The following CP variants were observed in gnomAD, a reference collection of about 807,000 sequenced individuals.
The protein encoded by CP is caeruloplasmin.
CP carries 64 observed loss-of-function variants against 122.4 expected under a neutral mutation model. The observed-to-expected ratio is 0.52, with a 90% CI of 0.43 to 0.64. CP has a LOEUF of 0.64. Among genes scored for constraint, CP ranks in the 30% least tolerant of loss-of-function variants. The pLI, the probability that CP is intolerant of heterozygous loss-of-function variation, is 0.00. For synonymous variants in CP, 440 were observed against 436.4 expected, an observed-to-expected ratio of 1.01 and a Z score of -0.10; for missense variants, 1,167 against 1,284.4, an observed-to-expected ratio of 0.91 and a Z score of 1.40.
intron 13 of CP, among the ~76,000 whole-genome samples, chr3:149,182,602 T>C (rs1725858576): frequency 6.6e-6 from 1 of 152,018 alleles, no homozygotes; most frequent in African/African-American, 2.4e-5. Context: ...GTCCCTGCAA[T>C]TGATAGTTTT....
chr3:149,169,094 C>G (rs1413514971), downstream of CP, among the ~76,000 whole-genome samples: 1 of 151,640 alleles, frequency 6.6e-6, no homozygotes, highest in Non-Finnish European at 1.5e-5. Flanking sequence ...TGTGATTTAC[C>G]TTTATTAGAC....
chr3:149,212,770 T>C, intron 1 of CP, 72 bp from the exon 2 acceptor site: 1 of 1,515,542 alleles, frequency 6.6e-7, no homozygotes, highest in African/African-American at 1.4e-5. Context: ...TATAATTTAA[T>C]AACATTATAA....
At chr3:149,184,025 C>CTTATT (rs1559939313) in intron 12 of CP, among the ~76,000 whole-genome samples, 1 of 66,306 alleles carries the variant, frequency 1.5e-5, no homozygotes, top group Non-Finnish European at 3.4e-5. Flanking sequence ...TTTTCACTTA[C>CTTATT]TTCTTTTTTT....
downstream of CP, among the ~76,000 whole-genome samples, chr3:149,169,627 T>C (rs1319951756): frequency 3.3e-5 from 5 of 152,192 alleles, no homozygotes; most frequent in African/African-American, 1.2e-4. Context: ...GCCTCAGTTA[T>C]AACAAACAAA....
At chr3:149,181,982 C>CCA in intron 14 of CP, 23 bp downstream of exon 14, 2 of 532,614 alleles carry the variant, frequency 3.8e-6, no homozygotes, top group Non-Finnish European at 7.2e-6. Flanking sequence ...ATGCACCACC[C>CCA]CCACCCCCGC....
In CP at chr3:149,188,190, T is replaced by C. The variant is rs938967361; in HGVS notation, c.1726A>G (p.Lys576Glu). Residue 576 changes from lysine (K) to glutamate (E), a missense_variant, in exon 10 of 19, where the codon AAG becomes GAG. By Grantham distance (56) the Lys-to-Glu change is moderately conservative. Transcript: ENST00000264613. The part of the protein sequence containing the change: ...HANGRQKDVD[K>E]EFYLFPTVFD... Reference sequence around the variant, plus strand: ...ACTGTAGGAAACAAATAGAATTCCTTGTCTACATCTTTCTGTAAATCAAAA... The same window carrying C: ...ACTGTAGGAAACAAATAGAATTCCTCGTCTACATCTTTCTGTAAATCAAAA... 7 of 1,611,488 alleles carry C rather than the reference T, an allele frequency of 4.3e-6. No homozygotes were observed. In the Admixed American group the frequency reaches 5.0e-5, roughly 12 times the overall value.
At chr3:149,171,145 G>T (rs1724944795), downstream of CP, among the ~76,000 whole-genome samples, 1 of 152,102 alleles carries the variant, frequency 6.6e-6, no homozygotes, top group South Asian at 2.1e-4. Context: ...GGACGTGGTG[G>T]TGCGCACCTG....
chr3:149,217,426 T>G (rs1230008617), intron 1 of CP, among the ~76,000 whole-genome samples: 1 of 152,174 alleles, frequency 6.6e-6, no homozygotes, highest in East Asian at 1.9e-4. Context: ...TAGTAAACAG[T>G]AAAATGAAAC....
chr3:149,199,724 G>T lies in CP; in HGVS notation c.1489C>A (p.Pro497Thr). The change falls in exon 8 of 19, where the codon CCC becomes ACC. Residue 497 changes from proline to threonine, a missense_variant. Physicochemically the swap from Pro to Thr is conservative, Grantham distance 38 (BLOSUM62 -1). This residue lies in a region of CP where 642 missense variants were observed against 627.3 expected (regional missense o/e 1.02). Coordinates refer to ENST00000264613, the MANE Select transcript of CP (RefSeq NM_000096.4). ...GCTGTATACTCACTTCTGCTCTGGGGGTTGTAATTTGGGGAATAGTATGTG... is the reference window on the plus strand; with the variant it reads ...GCTGTATACTCACTTCTGCTCTGGGTGTTGTAATTTGGGGAATAGTATGTG... ...EGTYYSPNYN[P>T]QSRSVPPSAS... 1 of 1,614,052 alleles carries T rather than the reference G, an allele frequency of 6.2e-7. No homozygotes were observed. Among genetic ancestry groups the T allele is most frequent in the South Asian group, 1.1e-5 (1 of 91,074 alleles).
intron 12 of CP, 132 bp downstream of exon 12, chr3:149,185,107 G>T: frequency 1.3e-6 from 1 of 754,194 alleles, no homozygotes; most frequent in Non-Finnish European, 2.2e-6. Flanking sequence ...GTGTTTTGTT[G>T]TTGTTGTTGT....
chr3:149,192,724 TTAA>T (rs1244656687), intron 9 of CP, among the ~76,000 whole-genome samples: 2 of 151,744 alleles, frequency 1.3e-5, no homozygotes, highest in Admixed American at 6.5e-5. Flanking sequence ...ATTTTATGGA[TTAA>T]TAATTGAAAA....
chr3:149,189,773 G>A (rs542644957), intron 9 of CP, among the ~76,000 whole-genome samples: 1 of 152,244 alleles, frequency 6.6e-6, no homozygotes, highest in East Asian at 1.9e-4. Flanking sequence ...CTGATCGACA[G>A]AGAAAACGTC....
intron 7 of CP, among the ~76,000 whole-genome samples, chr3:149,201,372 C>T (rs1727302240): frequency 6.6e-6 from 1 of 152,088 alleles, no homozygotes; most frequent in Non-Finnish European, 1.5e-5. Flanking sequence ...CCGCCCGCCT[C>T]GGCCTCCCAA....
At chr3:149,174,182 A>G (rs1725249046) in intron 18 of CP, among the ~76,000 whole-genome samples, 2 of 152,202 alleles carry the variant, frequency 1.3e-5, no homozygotes, top group African/African-American at 4.8e-5. Flanking sequence ...AGTGCCCTTT[A>G]TTAAGGAATT....
At chr3:149,216,443 C>T (rs6768350) in intron 1 of CP, among the ~76,000 whole-genome samples, 13,453 of 152,158 alleles carry the variant, frequency 0.088, 1,751 homozygotes, top group African/African-American at 0.29. Flanking sequence ...CTAGGTGGCC[C>T]CTTTCATCTT....
chr3:149,169,463 A>G (rs1029379107), downstream of CP, among the ~76,000 whole-genome samples: 2 of 152,236 alleles, frequency 1.3e-5, no homozygotes, highest in Admixed American at 6.5e-5. Flanking sequence ...GATGAAGCTC[A>G]GGGACTTACA....
intron 9 of CP, among the ~76,000 whole-genome samples, chr3:149,196,713 C>T (rs145071469): frequency 3.3e-5 from 5 of 151,692 alleles, no homozygotes; most frequent in East Asian, 3.9e-4. Context: ...CTTAAATCCA[C>T]GAGTGCACAA....
rs1476066527 is a variant in CP, at chr3:149,167,242, T to A, written c.587-1192A>T. The A allele has an allele frequency of 8.7e-6, 14 of 1,608,948 alleles. No individual in the cohort carries two copies. The highest frequency in any genetic ancestry group is 1.2e-5 in the Non-Finnish European group (14 of 1,176,748). ...CATGAACTGAAAGAAGAGAACCGGG[T>A]ATGCTTTTTCAGATTATGTTTTTAG... On this transcript the variant is annotated intron_variant, in intron 4 of 5. Coordinates refer to the CP transcript ENST00000479771.
chr3:149,185,938 C>T (rs1726140399), intron 11 of CP: 1 of 174,724 alleles, frequency 5.7e-6, no homozygotes, highest in East Asian at 1.6e-4. Context: ...GAAAGCGTGA[C>T]ACTGGGGTGG....
Sources: allele counts gnomAD v4.1 joint callset (sites outside exome capture counted in the v4.1 genomes callset), GRCh38; gene constraint gnomAD v4.1.1; regional missense constraint gnomAD v4.1.1; transcripts MANE v1.5; gene names NCBI Gene and HGNC (gene_info 2026-07-23, HGNC 2026-07-21).